PLCD3: variants seen among roughly 807,000 people sequenced by gnomAD.
PLCD3 encodes 1-phosphatidylinositol 4,5-bisphosphate phosphodiesterase delta-3.
In PLCD3, 62 loss-of-function variants were observed where a neutral mutation model predicts 82.8. That is an observed-to-expected ratio of 0.75 (90% CI 0.61 to 0.93). The LOEUF (loss-of-function observed/expected upper bound fraction) is 0.93. PLCD3 is among the 40% of genes least tolerant of loss of function. The pLI is 0.00. For synonymous variants in PLCD3, 478 were observed against 471.8 expected (o/e 1.01, Z -0.17); for missense variants, 1,023 against 1,103.4 (o/e 0.93, Z 1.03).
intron 1 of PLCD3, among the ~76,000 whole-genome samples, chr17:45,126,732 T>C (rs2054384802): frequency 6.6e-6 from 1 of 152,082 alleles, no homozygotes; most frequent in Non-Finnish European, 1.5e-5. Context: ...AATGGCTCAC[T>C]GCAGCAGCCT....
intron 1 of PLCD3, among the ~76,000 whole-genome samples, chr17:45,125,081 CTT>C (rs1227491412): frequency 6.6e-6 from 1 of 151,664 alleles, no homozygotes; most frequent in Non-Finnish European, 1.5e-5. Flanking sequence ...AATCCCAGTA[CTT>C]TGGAAGGCCG....
chr17:45,116,292 G>C (rs148520223), intron 8 of PLCD3, among the ~76,000 whole-genome samples: 35 of 152,190 alleles, frequency 2.3e-4, no homozygotes, highest in African/African-American at 8.0e-4. Context: ...GTGGATGGCC[G>C]AGAAGGGACT....
rs776348072 is a variant in PLCD3, at chr17:45,118,060, G to A, written c.1194C>T (p.Gly398=). 1.1e-5 allele frequency: 18 copies of A among 1,613,832 alleles called. No homozygotes were observed. Among genetic ancestry groups the A allele is most frequent in the East Asian group, 2.2e-5 (1 of 44,886 alleles). The change falls in exon 7 of 15, where the codon GGC becomes GGT. Residue 398 remains glycine, a synonymous_variant. Transcript: ENST00000619929. The surrounding 1 kb of genome is among the most constrained non-coding windows in gnomAD (Gnocchi z 4.1). The part of the protein sequence containing the change: ...GPGGEPVIYH[G]HTLTSKILFR... Reference sequence around the variant, plus strand: ...AGAGAATCTTGGAGGTGAGGGTATGGCCATGATAGATGACGGGCTCCCCTC... The same window carrying A: ...AGAGAATCTTGGAGGTGAGGGTATGACCATGATAGATGACGGGCTCCCCTC...
intron 1 of PLCD3, among the ~76,000 whole-genome samples, chr17:45,131,986 C>T (rs575619959): frequency 6.6e-6 from 1 of 152,314 alleles, no homozygotes; most frequent in African/African-American, 2.4e-5. Context: ...ACCAGCGCCC[C>T]GTGCCCGAAT....
At chr17:45,129,073 T>G (rs1473410648) in intron 1 of PLCD3, 1 of 152,272 alleles carries the variant, frequency 6.6e-6, no homozygotes, top group Non-Finnish European at 1.5e-5. Context: ...AGAAGGCTAC[T>G]GGTACCACCT....
chr17:45,118,987 C>G lies in PLCD3; in HGVS notation c.741G>C (p.Leu247=). 1.9e-6 allele frequency: 3 copies of G among 1,612,760 alleles called. No homozygotes were observed. In the South Asian group the frequency reaches 3.3e-5, roughly 18 times the overall value. The change falls in exon 5 of 15, where the codon CTG becomes CTC. Residue 247 remains leucine (L), a synonymous_variant. Transcript: ENST00000619929. The surrounding 1 kb of genome is among the most constrained non-coding windows in gnomAD (Gnocchi z 4.1). The stretch of plus-strand genomic sequence containing the variant: ...GCTCCGGCCGCTTCAGCAGCCGCCG[C>G]AGGAACTCCTCGATCTCAGCCCCCT... ...RLEGAEIEEF[L]RRLLKRPELE...
chr17:45,111,384 GT>G lies in PLCD3; in HGVS notation c.*1231del, dbSNP rs1237367821. On this transcript the variant is annotated 3_prime_UTR_variant, in exon 15 of 15. Coordinates refer to ENST00000619929, the MANE Select transcript of PLCD3 (RefSeq NM_133373.5). ...TCTGTGTATGTGTGAGTGTGTGTGT[GT>G]GTGTGTGTGTGTGTGTGTTGTGGGG... The G allele has an allele frequency of 6.6e-6, 1 of 152,446 alleles. No individual in the cohort carries two copies. The highest frequency in any genetic ancestry group is 2.1e-4 in the South Asian group (1 of 4,834). The allele number at this position is 152,446 out of a possible 1,614,324, so 9.4% of individuals were successfully genotyped here. A position where few individuals can be genotyped will look rare whatever the true frequency, so the allele number is the denominator to read the frequency against.
chr17:45,131,485 C>G (rs988896908), intron 1 of PLCD3, among the ~76,000 whole-genome samples: 1 of 152,238 alleles, frequency 6.6e-6, no homozygotes. Context: ...GGGGCACCAC[C>G]GGGGTGCCAG....
intron 1 of PLCD3, among the ~76,000 whole-genome samples, chr17:45,125,027 C>T (rs548468205): frequency 1.8e-4 from 27 of 151,582 alleles, no homozygotes; most frequent in Non-Finnish European, 2.9e-4. Context: ...CCTGTCTCTA[C>T]AAAAAATAAA....
In PLCD3 at chr17:45,124,284, T is replaced by G. The variant is rs1035322096; in HGVS notation, c.164-2912A>C. On this transcript the variant is annotated intron_variant, in intron 1 of 14. Transcript: ENST00000619929. Reference sequence around the variant, plus strand: ...CATCAACACAGGCAGCCTGAACGCCTGACTGGGCCCCCACTTGGGCAGGCT... The same window carrying G: ...CATCAACACAGGCAGCCTGAACGCCGGACTGGGCCCCCACTTGGGCAGGCT... 2.1e-4 allele frequency among the ~76,000 whole-genome samples: 32 copies of G among 152,374 alleles called. No individual in the cohort carries two copies. The South Asian group carries it at 3.3e-3, about 16-fold the overall frequency.
chr17:45,120,911 C>CGCTCGCGCTG lies in PLCD3; in HGVS notation c.535_544dup (p.Arg182ProfsTer17). 6.9e-7 allele frequency: 1 copy of CGCTCGCGCTG among 1,439,142 alleles called. No individual in the cohort carries two copies. The allele number at this position is 1,439,142 out of a possible 1,614,324, so 89.1% of individuals were successfully genotyped here. ...AGCCCCGGCAGGATATTGGTCTAGC[C>CGCTCGCGCTG]GCTCGCGCTGGCTCATGGCGTCCAG... On this transcript the variant is annotated frameshift_variant, in exon 3 of 15. Transcript: ENST00000619929. LOFTEE classifies it high-confidence loss of function.
rs555816635 is a variant in PLCD3 at position 45,114,538 on chromosome 17, G to C, written c.1712-172C>G. On this transcript the variant is annotated intron_variant, in intron 10 of 14. Transcript: ENST00000619929. ...GGGGAGCTCACTGAGGAGGCTGCAG[G>C]GACCCCCTCCAGCCACACAGCCTGG... is the stretch of plus-strand genomic sequence containing the variant. 3 of 540,366 alleles carry C rather than the reference G, an allele frequency of 5.6e-6. No individual in the cohort carries two copies. In the East Asian group the frequency reaches 1.0e-4, roughly 19 times the overall value. 33.5% of individuals were successfully genotyped at this position (540,366 alleles called of 1,614,324 possible). A position where few individuals can be genotyped will look rare whatever the true frequency, so the allele number is the denominator to read the frequency against.
intron 1 of PLCD3, among the ~76,000 whole-genome samples, chr17:45,123,862 T>C (rs1043004499): frequency 6.6e-6 from 1 of 151,880 alleles, no homozygotes; most frequent in East Asian, 1.9e-4. Flanking sequence ...GCCCACTCGG[T>C]ACCCCCTGGT....
chr17:45,124,302 G>A (rs1323656266), intron 1 of PLCD3, among the ~76,000 whole-genome samples: 1 of 152,240 alleles, frequency 6.6e-6, no homozygotes, highest in Non-Finnish European at 1.5e-5. Flanking sequence ...CCCCCACTTG[G>A]GCAGGCTCCC....
At position 45,116,144 on chromosome 17, in the gene PLCD3, A is replaced by C. The variant is rs144833336; in HGVS notation, c.1413+488T>G. On this transcript the variant is annotated intron_variant, in intron 8 of 14. Transcript: ENST00000619929. The stretch of plus-strand genomic sequence containing the variant: ...GGAGCCCGACAGGATAAATGTCTGG[A>C]GAGAGCCGAGGACGCGCTCTGGTGT... Among the ~76,000 whole-genome samples, 11 of 152,322 alleles carry C rather than the reference A, an allele frequency of 7.2e-5. No individual in the cohort carries two copies. The East Asian group carries it at 2.1e-3, about 29-fold the overall frequency.
At chr17:45,128,471 G>A (rs910293493) in intron 1 of PLCD3, among the ~76,000 whole-genome samples, 1 of 152,230 alleles carries the variant, frequency 6.6e-6, no homozygotes, top group Non-Finnish European at 1.5e-5. Context: ...CCAGGGCTGG[G>A]GGTTGTTCTG....
In PLCD3 at chr17:45,132,095, C is replaced by A. The variant is rs2054464998; in HGVS notation, c.163+153G>T. On this transcript the variant is annotated intron_variant, in intron 1 of 14. Transcript: ENST00000619929. This position sits in a 1 kb window ranked among gnomAD's most constrained non-coding sequence, Gnocchi z 4.6. The stretch of plus-strand genomic sequence containing the variant: ...GACCCTCGGATGACCCCAGGTGCGA[C>A]CCCCAGCTGGAGGGAGCTGGCCCTC... 6.6e-6 allele frequency among the ~76,000 whole-genome samples: 1 copy of A among 152,202 alleles called. No homozygotes were observed. The highest frequency in any genetic ancestry group is 2.4e-5 in the African/African-American group (1 of 41,450).
In PLCD3 at chr17:45,121,001, A is replaced by G; in HGVS notation, c.455T>C (p.Leu152Pro). ...AFKGRRKNLD[L>P]AAPTAEEAQR... The stretch of plus-strand genomic sequence containing the variant: ...CGCTTCCTCAGCCGTGGGCGCCGCC[A>G]GGTCCAGGTTCTTGCGGCGGCCCTT... Residue 152 changes from leucine to proline, a missense_variant, in exon 3 of 15, where the codon CTG becomes CCG. Leu to Pro is a moderately conservative substitution (Grantham distance 98). Around this residue, in one of 3 missense-constraint regions of PLCD3, gnomAD observed 448 missense variants for 406.3 expected, o/e 1.10. Transcript: ENST00000619929. 1.3e-6 allele frequency: 2 copies of G among 1,536,988 alleles called. No individual in the cohort carries two copies. Among genetic ancestry groups the G allele is most frequent in the South Asian group, 1.2e-5 (1 of 83,676 alleles).
chr17:45,121,270 T>A lies in PLCD3; in HGVS notation c.266A>T (p.Glu89Val), dbSNP rs1221798221. The A allele has an allele frequency of 6.3e-7, 1 of 1,590,356 alleles. No individual in the cohort carries two copies. Among genetic ancestry groups the A allele is most frequent in the Admixed American group, 1.7e-5 (1 of 59,028 alleles). The stretch of plus-strand genomic sequence containing the variant: ...CTGGAACCACACGCTCAGGCCGTCC[T>A]CCTGCAGCCGGTACAGCCGCTCCTT... ...WHKERLYRLQ[E>V]DGLSVWFQRR... is the part of the protein sequence containing the mutation. Residue 89 changes from glutamate to valine, a missense_variant, in exon 2 of 15, where the codon GAG becomes GTG. Physicochemically the swap from Glu to Val is moderately radical, Grantham distance 121. Transcript: ENST00000619929.
Sources: gnomAD v4.1 joint callset for allele counts (sites outside exome capture counted in the v4.1 genomes callset) on GRCh38, gnomAD v4.1.1 for gene constraint, gnomAD v4.1.1 regional missense constraint, Gnocchi (gnomAD v3.1) non-coding constraint, MANE v1.5 for transcripts, NCBI Gene and HGNC (gene_info 2026-07-23, HGNC 2026-07-21) for gene names.